The following PKHD1 variants were observed in gnomAD, a reference collection of about 807,000 sequenced individuals.
PKHD1 encodes PKHD1 ciliary IPT domain containing fibrocystin/polyductin.
In PKHD1, 291 loss-of-function variants were observed where a neutral mutation model predicts 412.0. The observed-to-expected ratio is 0.71, with a 90% CI of 0.64 to 0.78. The LOEUF (loss-of-function observed/expected upper bound fraction) is 0.78. Ranked by LOEUF, PKHD1 falls within the 30% of genes least tolerant of loss-of-function variation. The pLI is 0.00. For synonymous variants in PKHD1, 1,777 were observed against 1,821.5 expected (o/e 0.98, Z 0.62); for missense variants, 4,825 against 4,950.7 (o/e 0.97, Z 0.76).
At chr6:51,635,173 T>C (rs1417734241) in intron 64 of PKHD1, among the ~76,000 whole-genome samples, 7 of 152,078 alleles carry the variant, frequency 4.6e-5, no homozygotes, top group Non-Finnish European at 1.5e-5. Context: ...CAAGTGATCC[T>C]TCAGTCTCAG....
chr6:51,837,690 G>C (rs1769477109), intron 50 of PKHD1, among the ~76,000 whole-genome samples: 2 of 152,008 alleles, frequency 1.3e-5, no homozygotes, highest in Admixed American at 1.3e-4. Flanking sequence ...CTGGGTGACA[G>C]AGCAAGACTC....
In PKHD1 at chr6:52,075,485, A is replaced by G. The variant is rs370214105; in HGVS notation, c.448+791T>C. On this transcript the variant is annotated intron_variant, in intron 6 of 66. Coordinates refer to ENST00000371117, the MANE Select transcript of PKHD1 (RefSeq NM_138694.4). The stretch of plus-strand genomic sequence containing the variant: ...TGGCAGGAATCAGACAGCAAATTAT[A>G]TATAATCCTAGTTGTGTTTGCTACT... Among the ~76,000 whole-genome samples the G allele has an allele frequency of 3.3e-5, 5 of 152,356 alleles. No homozygotes were observed. The East Asian group carries it at 7.7e-4, about 24-fold the overall frequency.
intron 52 of PKHD1, among the ~76,000 whole-genome samples, chr6:51,815,687 G>T (rs566871967): frequency 6.6e-6 from 1 of 152,268 alleles, no homozygotes; most frequent in South Asian, 2.1e-4. Context: ...GACTCTGAAA[G>T]CTTCAGGAAG....
chr6:51,866,650 T>A (rs143580593), intron 48 of PKHD1, among the ~76,000 whole-genome samples: 1 of 152,278 alleles, frequency 6.6e-6, no homozygotes, highest in African/African-American at 2.4e-5. Flanking sequence ...TATAGAAGCA[T>A]ATAATGTTCC....
intron 36 of PKHD1, among the ~76,000 whole-genome samples, chr6:51,937,443 C>T (rs577077714): frequency 3.9e-4 from 59 of 152,296 alleles, no homozygotes; most frequent in Non-Finnish European, 5.9e-4. Flanking sequence ...CAGAGTTTGA[C>T]TCTTTTCATT....
intron 49 of PKHD1, among the ~76,000 whole-genome samples, chr6:51,851,898 A>G (rs746639126): frequency 6.6e-6 from 1 of 151,556 alleles, no homozygotes; most frequent in Non-Finnish European, 1.5e-5. Flanking sequence ...TTGTGTCTAT[A>G]ACTCCTTCAA....
chr6:51,863,777 C>A (rs1466855260), intron 48 of PKHD1, among the ~76,000 whole-genome samples: 1 of 152,178 alleles, frequency 6.6e-6, no homozygotes, highest in Non-Finnish European at 1.5e-5. Flanking sequence ...ATGCTGTGGA[C>A]TCCTCATGAA....
At chr6:52,066,214 C>A (rs572158805) in intron 11 of PKHD1, 137 bp from the exon 12 acceptor site, 2 of 598,186 alleles carry the variant, frequency 3.3e-6, no homozygotes, top group Admixed American at 3.0e-5. Flanking sequence ...GAATTTTTTT[C>A]TAGTAATAAC....
At chr6:51,633,146 G>T (rs929852984) in intron 64 of PKHD1, among the ~76,000 whole-genome samples, 1 of 152,102 alleles carries the variant, frequency 6.6e-6, no homozygotes, top group African/African-American at 2.4e-5. Context: ...CAAAACAGGG[G>T]CATAGGGACT....
rs145684550 is a variant in PKHD1, at chr6:51,658,815, T to A, written c.11174+137A>T. 7.4e-5 allele frequency: 49 copies of A among 666,096 alleles called. No homozygotes were observed. In the South Asian group the frequency reaches 7.9e-4, roughly 11 times the overall value. The allele number at this position is 666,096 out of a possible 1,614,324, so 41.3% of individuals were successfully genotyped here. On this transcript the variant is annotated intron_variant, in intron 61 of 66. Transcript: ENST00000371117. ...CTAAGAATTTAAGTCTTTAAATGAC[T>A]CTTTGAATTTTTATTCTTATCTTAA...
intron 60 of PKHD1, among the ~76,000 whole-genome samples, chr6:51,679,193 A>C (rs1776286156): frequency 6.6e-6 from 1 of 152,024 alleles, no homozygotes; most frequent in Non-Finnish European, 1.5e-5. Flanking sequence ...ACCCCACACC[A>C]TGACTCTGAA....
rs1780622940 is a variant in PKHD1, at chr6:51,711,221, G to C, written c.10156+33164C>G. The stretch of plus-strand genomic sequence containing the variant: ...TTGGGATAAATTTCATAAGGATCCT[G>C]AGAAAGCCTCACAAGATCAGTATTT... On this transcript the variant is annotated intron_variant, in intron 60 of 66. Coordinates refer to ENST00000371117, the MANE Select transcript of PKHD1 (RefSeq NM_138694.4). Among the ~76,000 whole-genome samples the C allele has an allele frequency of 1.3e-5, 2 of 152,310 alleles. 1 individual carries two copies. Among genetic ancestry groups the C allele is most frequent in the South Asian group, 4.2e-4 (2 of 4,818 alleles).
chr6:51,792,872 T>C (rs946864300), intron 52 of PKHD1, among the ~76,000 whole-genome samples: 4 of 152,208 alleles, frequency 2.6e-5, no homozygotes, highest in Non-Finnish European at 5.9e-5. Flanking sequence ...TGTACATACA[T>C]CTATCAGAGT....
At position 52,031,886 on chromosome 6, in the gene PKHD1, T is replaced by C. The variant is rs112185306; in HGVS notation, c.3364+1144A>G. Among the ~76,000 whole-genome samples the C allele has an allele frequency of 4.6e-3, 698 of 152,360 alleles. 6 individuals carry two copies. Among genetic ancestry groups the C allele is most frequent in the African/African-American group, 0.016 (657 of 41,584 alleles). On this transcript the variant is annotated intron_variant, in intron 29 of 66. Transcript: ENST00000371117. ...ATTGTATGTATCAACAACATAACTTTTGGAGCACTTGGTCAACTGTCAAGC... is the reference window on the plus strand; with the variant it reads ...ATTGTATGTATCAACAACATAACTTCTGGAGCACTTGGTCAACTGTCAAGC...
chr6:52,084,512 A>C (rs1309305615), intron 2 of PKHD1, among the ~76,000 whole-genome samples: 1 of 152,242 alleles, frequency 6.6e-6, no homozygotes, highest in Non-Finnish European at 1.5e-5. Context: ...ATCTAAAAAG[A>C]ATTACATCAC....
chr6:51,844,311 C>G (rs1363104238), intron 50 of PKHD1, among the ~76,000 whole-genome samples: 1 of 152,224 alleles, frequency 6.6e-6, no homozygotes, highest in African/African-American at 2.4e-5. Flanking sequence ...GCCCCAAGCA[C>G]TGGCCATGAG....
At chr6:51,847,260 A>ATTTT (rs981973021) in intron 50 of PKHD1, among the ~76,000 whole-genome samples, 3 of 99,988 alleles carry the variant, frequency 3.0e-5, no homozygotes, top group African/African-American at 8.1e-5. Context: ...CATGCCCAGC[A>ATTTT]TTTTTTTTTT....
intron 52 of PKHD1, among the ~76,000 whole-genome samples, chr6:51,803,112 C>T (rs550426473): frequency 2.0e-5 from 3 of 151,192 alleles, no homozygotes; most frequent in South Asian, 2.1e-4. Context: ...TCTGAGCAAA[C>T]CAATCTATAT....
intron 37 of PKHD1, among the ~76,000 whole-genome samples, chr6:51,921,272 T>G (rs905072226): frequency 6.6e-6 from 1 of 152,332 alleles, no homozygotes; most frequent in Admixed American, 6.5e-5. Flanking sequence ...TGCGATAAAT[T>G]ATAATTTAGT....
Sources: allele counts gnomAD v4.1 joint callset (sites outside exome capture counted in the v4.1 genomes callset), GRCh38; gene constraint gnomAD v4.1.1; transcripts MANE v1.5; gene names NCBI Gene and HGNC (gene_info 2026-07-23, HGNC 2026-07-21).